Variants in DIP2A observed in about 807,000 individuals in gnomAD.
DIP2A encodes DIP2 acetate--CoA ligase A, also known as disco-interacting protein 2 homolog A.
In DIP2A, 85 loss-of-function variants were observed where a neutral mutation model predicts 177.4. That is an observed-to-expected ratio of 0.48 (90% CI 0.40 to 0.57). The LOEUF is 0.57. Ranked by LOEUF, DIP2A falls within the 20% of genes least tolerant of loss-of-function variation. The pLI is 0.00. For synonymous variants in DIP2A, 886 were observed against 881.8 expected (o/e 1.00, Z -0.08); for missense variants, 1,791 against 2,100.2 (o/e 0.85, Z 2.88).
chr21:46,541,808 G>C lies in DIP2A; in HGVS notation c.2089G>C (p.Gly697Arg), dbSNP rs138759141. Residue 697 changes from glycine to arginine, a missense_variant, in exon 18 of 38, where the codon GGT (glycine) becomes CGT (arginine). Gly to Arg is a moderately radical substitution (Grantham distance 125, BLOSUM62 -2). Coordinates refer to ENST00000417564, the MANE Select transcript of DIP2A (RefSeq NM_015151.4). ...PPRKAVLSMN[G>R]LSYGVIRVDT... is the part of the protein sequence containing the mutation. ...AAGAAAAGCAGTCCTGTCGATGAAC[G>C]GTCTAAGTTATGGTGTTATCAGAGT... 1.2e-6 allele frequency: 2 copies of C among 1,613,814 alleles called. No individual in the cohort carries two copies. The highest frequency in any genetic ancestry group is 2.7e-5 in the African/African-American group (2 of 74,884).
At chr21:46,534,375 C>T (rs371066953) in intron 12 of DIP2A, among the ~76,000 whole-genome samples, 2 of 152,320 alleles carry the variant, frequency 1.3e-5, no homozygotes, top group African/African-American at 2.4e-5. Flanking sequence ...CCATTACCCT[C>T]GGGCACCTGC....
At chr21:46,565,920 C>T in intron 36 of DIP2A, 33 bp downstream of exon 36, 1 of 1,611,282 alleles carries the variant, frequency 6.2e-7, no homozygotes, top group South Asian at 1.1e-5. Context: ...TGCGTGAGTG[C>T]TGTGCGGGGA....
chr21:46,502,804 A>G (rs1327428471), intron 5 of DIP2A, among the ~76,000 whole-genome samples: 1 of 152,156 alleles, frequency 6.6e-6, no homozygotes, highest in African/African-American at 2.4e-5. Flanking sequence ...GTGGTAGAAC[A>G]CAATTTCTAT....
chr21:46,569,927 C>G lies in DIP2A; in HGVS notation c.*2305C>G, dbSNP rs2060934398. On this transcript the variant is annotated 3_prime_UTR_variant, in exon 38 of 38. Transcript: ENST00000417564. ...AAACCCTCTCAGGGATTTATTTTTT[C>G]TTTTTAAAAATTTTTTACAAAATTA... is the stretch of plus-strand genomic sequence containing the variant. 6.6e-6 allele frequency: 1 copy of G among 151,176 alleles called. No homozygotes were observed. The highest frequency in any genetic ancestry group is 1.9e-4 in the East Asian group (1 of 5,192). The allele number at this position is 151,176 out of a possible 1,614,324, so 9.4% of individuals were successfully genotyped here.
At chr21:46,504,788 G>A (rs942820531) in intron 6 of DIP2A, among the ~76,000 whole-genome samples, 1 of 152,222 alleles carries the variant, frequency 6.6e-6, no homozygotes, top group African/African-American at 2.4e-5. Context: ...GTAGGGAAAT[G>A]AGAAGCTGTG....
chr21:46,557,719 C>T lies in DIP2A; in HGVS notation c.3764C>T (p.Thr1255Ile). ...TCCTACTCTGTGATGGAGATGTGCA[C>T]CAAGGGCCTAGGCGCACAGACGGGT... ...FCSYSVMEMC[T>I]KGLGAQTGVL... Residue 1255 changes from threonine to isoleucine, a missense_variant, in exon 31 of 38, where the codon ACC becomes ATC. Physicochemically the swap from Thr to Ile is moderately conservative, Grantham distance 89. Coordinates refer to ENST00000417564, the MANE Select transcript of DIP2A (RefSeq NM_015151.4). The surrounding 1 kb of genome is among the most constrained non-coding windows in gnomAD (Gnocchi z 6.0). 3.7e-6 allele frequency: 6 copies of T among 1,613,068 alleles called. No homozygotes were observed. Among genetic ancestry groups the T allele is most frequent in the East Asian group, 2.2e-5 (1 of 44,830 alleles).
Position 46,539,858 on chromosome 21 carries a change from C to T in DIP2A, c.1922-19C>T, listed in dbSNP as rs1445937597. ...CCCCCCAGTTAGTGCTGGCGTTCCA[C>T]TCTTGTTGCTCTGTGCAGGGTCGAT... is the stretch of plus-strand genomic sequence containing the variant. On this transcript the variant is annotated intron_variant, in intron 16 of 37. Coordinates refer to ENST00000417564, the MANE Select transcript of DIP2A (RefSeq NM_015151.4). The T allele has an allele frequency of 1.9e-6, 3 of 1,602,820 alleles. No individual in the cohort carries two copies. Among genetic ancestry groups the T allele is most frequent in the Non-Finnish European group, 2.6e-6 (3 of 1,169,728 alleles).
intron 1 of DIP2A, among the ~76,000 whole-genome samples, chr21:46,472,475 G>A (rs1001146031): frequency 1.3e-5 from 2 of 152,206 alleles, no homozygotes; most frequent in African/African-American, 4.8e-5. Flanking sequence ...CATGAAATGT[G>A]TACAGAACCC....
At chr21:46,550,947 C>T (rs2060250529) in intron 23 of DIP2A, among the ~76,000 whole-genome samples, 1 of 152,210 alleles carries the variant, frequency 6.6e-6, no homozygotes, top group Admixed American at 6.5e-5. Flanking sequence ...GGAACTTAAC[C>T]ACATCACCTG....
intron 5 of DIP2A, among the ~76,000 whole-genome samples, chr21:46,503,844 G>C (rs942992508): frequency 7.9e-5 from 12 of 152,226 alleles, no homozygotes; most frequent in Non-Finnish European, 1.5e-4. Flanking sequence ...TCCTGCCTCA[G>C]CCTCCCCAGT....
In DIP2A at chr21:46,464,844, T is replaced by TTTTTTTTTTTTTTC. The variant is rs58546395; in HGVS notation, c.91+5622_91+5623insTTTTTTTTTTTTTC. ...TTTTTTTTTTTTTTTTTTTTTTTTT[T>TTTTTTTTTTTTTTC]CAAGAAAACACACAACAAATGTCAG... On this transcript the variant is annotated intron_variant, in intron 1 of 37. Transcript: ENST00000417564. Among the ~76,000 whole-genome samples the TTTTTTTTTTTTTTC allele has an allele frequency of 4.4e-4, 49 of 111,218 alleles. 2 individuals carry two copies. The highest frequency in any genetic ancestry group is 2.0e-3 in the African/African-American group (49 of 23,982). 73.0% of individuals were successfully genotyped at this position (111,218 alleles called of 152,430 possible).
Position 46,469,386 on chromosome 21 carries a change from CAG to C in DIP2A, c.91+10167_91+10168del, listed in dbSNP as rs1176471339. The C allele has an allele frequency of 1.1e-4, 17 of 152,356 alleles. 1 individual carries two copies. Among genetic ancestry groups the C allele is most frequent in the African/African-American group, 3.8e-4 (16 of 41,584 alleles). The allele number at this position is 152,356 out of a possible 1,614,324, so 9.4% of individuals were successfully genotyped here. ...TCTGTGCCTCAGGGAGCTGTTGAAT[CAG>C]AGTGTGGCCTTTGTTGCTTTAAGTG... On this transcript the variant is annotated intron_variant, in intron 1 of 37. Transcript: ENST00000417564.
At chr21:46,492,573 G>A (rs2057075918) in intron 3 of DIP2A, among the ~76,000 whole-genome samples, 1 of 152,092 alleles carries the variant, frequency 6.6e-6, no homozygotes, top group Non-Finnish European at 1.5e-5. Context: ...CCTAACCCCG[G>A]TGGGATGCTA....
intron 1 of DIP2A, among the ~76,000 whole-genome samples, chr21:46,461,756 G>A (rs1249912770): frequency 6.6e-6 from 1 of 152,048 alleles, no homozygotes; most frequent in Non-Finnish European, 1.5e-5. Flanking sequence ...CTGAGAAAGG[G>A]GGTAAACAAA....
In DIP2A at chr21:46,537,295, G is replaced by A. The variant is rs202051733; in HGVS notation, c.1707+7G>A. The A allele has an allele frequency of 6.4e-5, 103 of 1,613,974 alleles. No individual in the cohort carries two copies. The African/African-American group carries it at 1.2e-3, about 19-fold the overall frequency. On this transcript the variant is annotated splice_region_variant and intron_variant, in intron 14 of 37. Coordinates refer to ENST00000417564, the MANE Select transcript of DIP2A (RefSeq NM_015151.4). This position sits in a 1 kb window ranked among gnomAD's most constrained non-coding sequence, Gnocchi z 4.1. The stretch of plus-strand genomic sequence containing the variant: ...GTGGCATGGCGTGTTAACAGTGAGT[G>A]TTGTTTGCTGATGACTAACTGTTGG...
downstream of DIP2A, among the ~76,000 whole-genome samples, chr21:46,570,660 G>A (rs1213507911): frequency 2.0e-5 from 3 of 152,186 alleles, no homozygotes; most frequent in African/African-American, 7.2e-5. Flanking sequence ...ATTTCAAAGT[G>A]GTTCTACTGG....
At chr21:46,554,779 T>G in intron 27 of DIP2A, 43 bp from the exon 28 acceptor site, 2 of 1,542,864 alleles carry the variant, frequency 1.3e-6, no homozygotes, top group Non-Finnish European at 8.7e-7. Context: ...TCTGGGCAGC[T>G]TGAGAGGCCC....
chr21:46,514,617 C>CTG (rs2058469000), intron 8 of DIP2A, among the ~76,000 whole-genome samples: 1 of 70,526 alleles, frequency 1.4e-5, no homozygotes, highest in Non-Finnish European at 2.5e-5. Context: ...AACTTTTATT[C>CTG]TTTTTTTTTT....
chr21:46,555,845 C>T (rs1258767762), intron 28 of DIP2A, 137 bp from the exon 29 acceptor site: 32 of 726,130 alleles, frequency 4.4e-5, no homozygotes, highest in South Asian at 2.1e-4. Flanking sequence ...TGCATCGTCA[C>T]GGCCCCACTC....
Sources: gnomAD v4.1 joint callset for allele counts (sites outside exome capture counted in the v4.1 genomes callset) on GRCh38, gnomAD v4.1.1 for gene constraint, Gnocchi (gnomAD v3.1) non-coding constraint, MANE v1.5 for transcripts, NCBI Gene and HGNC (gene_info 2026-07-23, HGNC 2026-07-21) for gene names.